The following WDR41 variants were observed in gnomAD, a reference collection of about 807,000 sequenced individuals.
WDR41 encodes the protein WD repeat domain 41.
A neutral mutation model predicts 69.3 loss-of-function variants in WDR41; 63 were observed. The ratio of observed to expected loss-of-function variants is 0.91; its 90% confidence interval spans 0.74 to 1.12. The LOEUF (loss-of-function observed/expected upper bound fraction) is 1.12, where lower values mean the gene tolerates loss of function less well. Among genes scored for constraint, WDR41 ranks in the 50% most tolerant of loss-of-function variants. WDR41 has a pLI of 0.00. For missense variants in WDR41, 543 were observed against 534.5 expected, an observed-to-expected ratio of 1.02 and a Z score of -0.16; for synonymous variants, 185 against 192.1, an observed-to-expected ratio of 0.96 and a Z score of 0.31.
intron 1 of WDR41, among the ~76,000 whole-genome samples, chr5:77,519,962 T>G (rs950297484): frequency 6.6e-6 from 1 of 152,098 alleles, no homozygotes; most frequent in Non-Finnish European, 1.5e-5. Context: ...GTATTTTTTG[T>G]AAGTAAAAGA....
At chr5:77,442,719 T>C (rs1323895632) in intron 8 of WDR41, among the ~76,000 whole-genome samples, 1 of 151,526 alleles carries the variant, frequency 6.6e-6, no homozygotes, top group Non-Finnish European at 1.5e-5. Context: ...GGTGAAACCC[T>C]GTCTCCACTA....
At chr5:77,508,328 G>A (rs1405501668) in intron 1 of WDR41, among the ~76,000 whole-genome samples, 1 of 152,120 alleles carries the variant, frequency 6.6e-6, no homozygotes, top group Non-Finnish European at 1.5e-5. Context: ...TGCCCAGACT[G>A]ATCTTGAACT....
At chr5:77,509,966 T>C (rs545339562) in intron 1 of WDR41, among the ~76,000 whole-genome samples, 1 of 152,286 alleles carries the variant, frequency 6.6e-6, no homozygotes, top group Non-Finnish European at 1.5e-5. Flanking sequence ...TAATAGAACC[T>C]CTTAAGAAAC....
At chr5:77,580,529 T>G (rs960902862) in intron 1 of WDR41, among the ~76,000 whole-genome samples, 6 of 150,362 alleles carry the variant, frequency 4.0e-5, no homozygotes, top group Non-Finnish European at 7.4e-5. Context: ...ATATGGTAAA[T>G]CCAAGAGCAA....
chr5:77,462,507 T>C (rs1380474077), intron 4 of WDR41, among the ~76,000 whole-genome samples: 1 of 152,104 alleles, frequency 6.6e-6, no homozygotes, highest in Non-Finnish European at 1.5e-5. Context: ...GAACAATGCC[T>C]GTTACACATA....
chr5:77,610,032 C>T lies in WDR41; in HGVS notation c.42+10447G>A, dbSNP rs1375176301. On this transcript the variant is annotated intron_variant, in intron 1 of 5. Transcript: ENST00000509971. Reference sequence around the variant, plus strand: ...AATGCAGAAGCCTCAGGAGCCGATGCGATCAACTGGAAGAAAGGGTATCAG... The same window carrying T: ...AATGCAGAAGCCTCAGGAGCCGATGTGATCAACTGGAAGAAAGGGTATCAG... Among the ~76,000 whole-genome samples, 10 of 151,602 alleles carry T rather than the reference C, an allele frequency of 6.6e-5. No homozygotes were observed. In the East Asian group the frequency reaches 9.7e-4, roughly 15 times the overall value.
At chr5:77,600,182 C>A (rs1204557140) in intron 1 of WDR41, among the ~76,000 whole-genome samples, 1 of 152,110 alleles carries the variant, frequency 6.6e-6, no homozygotes, top group East Asian at 1.9e-4. Context: ...TCTATGTACT[C>A]AAGTCTTACC....
chr5:77,549,228 C>T (rs1178908810), intron 1 of WDR41, among the ~76,000 whole-genome samples: 1 of 151,972 alleles, frequency 6.6e-6, no homozygotes, highest in Non-Finnish European at 1.5e-5. Flanking sequence ...CAAATCACCA[C>T]TAAAGAGCTT....
chr5:77,491,812 T>C (rs976478871), intron 1 of WDR41: 2 of 284,290 alleles, frequency 7.0e-6, no homozygotes, highest in Non-Finnish European at 6.5e-6. Context: ...AATCGTATAC[T>C]TTTTAAGTGG....
intron 1 of WDR41, among the ~76,000 whole-genome samples, chr5:77,595,952 A>C (rs1744220523): frequency 6.6e-6 from 1 of 152,084 alleles, no homozygotes. Context: ...CTATTTTATG[A>C]AATTTGGGAA....
Position 77,436,357 on chromosome 5 carries a change from T to C in WDR41, c.1131A>G (p.Lys377=), listed in dbSNP as rs1279776234. 1.2e-6 allele frequency: 2 copies of C among 1,613,944 alleles called. No homozygotes were observed. The highest frequency in any genetic ancestry group is 8.5e-7 in the Non-Finnish European group (1 of 1,179,972). Reference sequence around the variant, plus strand: ...GCTTTTTAACAGGTTGGCTGGCTTGTTTGCTGACTCTTCCAAATCCCCACA... The same window carrying C: ...GCTTTTTAACAGGTTGGCTGGCTTGCTTGCTGACTCTTCCAAATCCCCACA... The part of the protein sequence containing the change: ...FNMWGFGRVS[K]QASQPVKKQQ... The change falls in exon 12 of 13, where the codon AAA becomes AAG. Residue 377 remains lysine (K), a synonymous_variant. Transcript: ENST00000296679.
At chr5:77,465,721 CTT>C (rs34003396) in intron 2 of WDR41, among the ~76,000 whole-genome samples, 57 of 143,988 alleles carry the variant, frequency 4.0e-4, no homozygotes, top group Admixed American at 6.9e-4. Context: ...CAAATTCAGG[CTT>C]TTTTTTTTTT....
At chr5:77,595,635 AGG>A (rs1744214557) in intron 1 of WDR41, among the ~76,000 whole-genome samples, 5 of 152,242 alleles carry the variant, frequency 3.3e-5, no homozygotes, top group Non-Finnish European at 7.3e-5. Flanking sequence ...CCAAATGTGC[AGG>A]GTCACAATTC....
intron 1 of WDR41, among the ~76,000 whole-genome samples, chr5:77,611,668 A>G (rs1358415980): frequency 6.6e-6 from 1 of 152,268 alleles, no homozygotes; most frequent in East Asian, 1.9e-4. Flanking sequence ...TTATAGCACT[A>G]AATGCCCAGA....
chr5:77,546,204 G>T (rs375268535), intron 1 of WDR41: 41 of 411,782 alleles, frequency 1.0e-4, no homozygotes, highest in African/African-American at 8.0e-4. Flanking sequence ...TGACCACCTC[G>T]TCAAGACCCA....
intron 1 of WDR41, among the ~76,000 whole-genome samples, chr5:77,516,068 C>T (rs542964138): frequency 6.6e-6 from 1 of 152,162 alleles, no homozygotes; most frequent in African/African-American, 2.4e-5. Context: ...CTTATTATGG[C>T]TCTTGGTACG....
chr5:77,582,695 A>G (rs1743961322), intron 1 of WDR41: 1 of 1,597,700 alleles, frequency 6.3e-7, no homozygotes, highest in African/African-American at 1.3e-5. Flanking sequence ...AAGGTCCGAA[A>G]GGTGTTGCAG....
rs573566741 is a variant in WDR41 at position 77,549,024 on chromosome 5, A to T, written c.43-59452T>A. ...TGGAGACTATTATTCTAAGTGAAGT[A>T]ACTCAGGAATGGAAAACCAAACATC... On this transcript the variant is annotated intron_variant, in intron 1 of 5. Transcript: ENST00000509971. Among the ~76,000 whole-genome samples the T allele has an allele frequency of 1.6e-3, 244 of 152,272 alleles. 1 individual carries two copies. The highest frequency in any genetic ancestry group is 2.6e-3 in the Non-Finnish European group (177 of 68,034).
chr5:77,578,964 C>G (rs1469400648), intron 1 of WDR41, among the ~76,000 whole-genome samples: 1 of 149,276 alleles, frequency 6.7e-6, no homozygotes, highest in African/African-American at 2.5e-5. Flanking sequence ...AAAAAAGAGT[C>G]AAACAAAAAT....
Sources: gnomAD v4.1 joint callset for allele counts (sites outside exome capture counted in the v4.1 genomes callset) on GRCh38, gnomAD v4.1.1 for gene constraint, MANE v1.5 for transcripts, NCBI Gene and HGNC (gene_info 2026-07-23, HGNC 2026-07-21) for gene names.